ARFGEF1: variants seen among roughly 807,000 people sequenced by gnomAD.
ARFGEF1 encodes the protein ARF guanine nucleotide exchange factor 1.
A neutral mutation model predicts 231.0 loss-of-function variants in ARFGEF1; 42 were observed. The ratio of observed to expected loss-of-function variants is 0.18; its 90% CI spans 0.14 to 0.24. The LOEUF is 0.24. ARFGEF1 is among the 10% of genes least tolerant of loss of function. The pLI is 1.00. For missense variants in ARFGEF1, 1,345 were observed against 2,192.0 expected (o/e 0.61, Z 7.72); for synonymous variants, 710 against 732.3 (o/e 0.97, Z 0.49).
intron 1 of ARFGEF1, among the ~76,000 whole-genome samples, chr8:67,320,045 A>G (rs527501201): frequency 2.0e-5 from 3 of 151,964 alleles, no homozygotes; most frequent in Admixed American, 6.6e-5. Context: ...ACAGAGCGAA[A>G]CCCTGTCTCT....
chr8:67,217,252 C>T (rs966673963), intron 32 of ARFGEF1, among the ~76,000 whole-genome samples: 7 of 148,352 alleles, frequency 4.7e-5, no homozygotes, highest in Non-Finnish European at 1.0e-4. Flanking sequence ...TGTGGTGAGC[C>T]GAGATTGCGC....
chr8:67,317,434 T>C (rs549351503), intron 1 of ARFGEF1, among the ~76,000 whole-genome samples: 3 of 152,216 alleles, frequency 2.0e-5, no homozygotes, highest in South Asian at 4.1e-4. Flanking sequence ...CAAATTATGA[T>C]GTAGTTAGCA....
chr8:67,289,845 T>C (rs1805932800), intron 6 of ARFGEF1, among the ~76,000 whole-genome samples: 1 of 152,198 alleles, frequency 6.6e-6, no homozygotes, highest in South Asian at 2.1e-4. Context: ...TTTATTTCCA[T>C]GCTCTAGTTG....
intron 1 of ARFGEF1, among the ~76,000 whole-genome samples, chr8:67,329,274 C>T (rs1173651307): frequency 1.3e-5 from 2 of 151,116 alleles, no homozygotes; most frequent in Non-Finnish European, 2.9e-5. Flanking sequence ...GAATTTAGGC[C>T]GGGCACAGTG....
chr8:67,227,183 A>G lies in ARFGEF1; in HGVS notation c.3870T>C (p.Asp1290=), dbSNP rs146337670. 70 of 1,612,916 alleles carry G rather than the reference A, an allele frequency of 4.3e-5. No homozygotes were observed. The African/African-American group carries it at 9.1e-4, about 21-fold the overall frequency. Residue 1290 remains aspartate (D), a synonymous_variant, in exon 27 of 39, where the codon GAT becomes GAC. Transcript: ENST00000262215. ...SVFHLAASDQ[D]ESIVELAFQT... ...GGAATGCAAGTTCCACTATGCTTTC[A>G]TCTTGATCAGATGCAGCTAGATGAA...
intron 19 of ARFGEF1, among the ~76,000 whole-genome samples, chr8:67,241,899 C>T (rs1839941599): frequency 6.6e-6 from 1 of 152,156 alleles, no homozygotes; most frequent in South Asian, 2.1e-4. Context: ...AATCTGTGTA[C>T]TTGGGAGAGG....
At chr8:67,300,760 C>A (rs1806448954) in intron 3 of ARFGEF1, among the ~76,000 whole-genome samples, 1 of 150,610 alleles carries the variant, frequency 6.6e-6, no homozygotes, top group East Asian at 1.9e-4. Context: ...AGGAGAATTG[C>A]TTGAACACAG....
At chr8:67,267,473 T>C in intron 10 of ARFGEF1, 31 bp from the exon 11 acceptor site, 2 of 1,391,886 alleles carry the variant, frequency 1.4e-6, no homozygotes, top group South Asian at 1.2e-5. Flanking sequence ...CTGTTTAAAA[T>C]ATTGTTTAGA....
At chr8:67,218,731 C>T (rs1432553626) in intron 30 of ARFGEF1, among the ~76,000 whole-genome samples, 1 of 151,816 alleles carries the variant, frequency 6.6e-6, no homozygotes, top group Non-Finnish European at 1.5e-5. Context: ...TCTCTTGACA[C>T]ATTTCCTAAA....
downstream of ARFGEF1, among the ~76,000 whole-genome samples, chr8:67,197,007 CTTT>C (rs1479304331): frequency 3.9e-5 from 6 of 151,970 alleles, no homozygotes; most frequent in South Asian, 1.2e-3. Flanking sequence ...GACACGTTCC[CTTT>C]TTGTTTAATG....
chr8:67,191,066 C>A (rs1404178569), intron 5 of ARFGEF1, among the ~76,000 whole-genome samples: 1 of 152,208 alleles, frequency 6.6e-6, no homozygotes, highest in East Asian at 1.9e-4. Context: ...GAACTGATGT[C>A]ATTTATTGAA....
chr8:67,304,489 G>A (rs952279930), intron 1 of ARFGEF1, among the ~76,000 whole-genome samples: 4 of 152,242 alleles, frequency 2.6e-5, no homozygotes, highest in South Asian at 2.1e-4. Context: ...AAAATTGCAC[G>A]GCTCACCAAC....
intron 10 of ARFGEF1, among the ~76,000 whole-genome samples, chr8:67,268,202 G>A (rs1053452095): frequency 4.6e-5 from 7 of 152,084 alleles, no homozygotes; most frequent in Non-Finnish European, 1.0e-4. Context: ...ACTGGATTAG[G>A]TACCCCTGTA....
chr8:67,305,277 G>A (rs1468539045), intron 1 of ARFGEF1, among the ~76,000 whole-genome samples: 1 of 152,154 alleles, frequency 6.6e-6, no homozygotes, highest in Non-Finnish European at 1.5e-5. Context: ...TGGAAGAACA[G>A]TTTTTACAGC....
chr8:67,176,983 A>G (rs1721632476), intron 5 of ARFGEF1, among the ~76,000 whole-genome samples: 1 of 148,290 alleles, frequency 6.7e-6, no homozygotes, highest in African/African-American at 2.5e-5. Flanking sequence ...AGTCAGGAGA[A>G]TTGCTTGAAC....
intron 29 of ARFGEF1, among the ~76,000 whole-genome samples, chr8:67,221,519 G>A (rs1839158846): frequency 6.6e-6 from 1 of 152,016 alleles, no homozygotes; most frequent in African/African-American, 2.4e-5. Flanking sequence ...ATAGAATAAG[G>A]ATATAAAGAA....
intron 34 of ARFGEF1, among the ~76,000 whole-genome samples, chr8:67,206,043 G>A (rs1271414783): frequency 6.6e-6 from 1 of 152,030 alleles, no homozygotes; most frequent in Non-Finnish European, 1.5e-5. Context: ...GTTTTATTTG[G>A]ATCCAGATTC....
chr8:67,262,108 A>G (rs1244074202), intron 14 of ARFGEF1, among the ~76,000 whole-genome samples: 1 of 152,180 alleles, frequency 6.6e-6, no homozygotes, highest in Admixed American at 6.5e-5. Context: ...GAATCTGGGC[A>G]AAGTAAGTTG....
chr8:67,315,572 G>T (rs1379665610), intron 1 of ARFGEF1, among the ~76,000 whole-genome samples: 1 of 152,078 alleles, frequency 6.6e-6, no homozygotes, highest in Non-Finnish European at 1.5e-5. Flanking sequence ...TAAAGTGAAA[G>T]CAAGTTTATT....
Sources: gnomAD v4.1 joint callset for allele counts (sites outside exome capture counted in the v4.1 genomes callset) on GRCh38, gnomAD v4.1.1 for gene constraint, MANE v1.5 for transcripts, NCBI Gene and HGNC (gene_info 2026-07-23, HGNC 2026-07-21) for gene names.